CERT1: variants seen among roughly 807,000 people sequenced by gnomAD.
CERT1 encodes the protein ceramide transfer protein.
CERT1 carries 31 observed loss-of-function variants against 87.9 expected under a neutral mutation model. That is an observed-to-expected ratio of 0.35 (90% CI 0.27 to 0.48). The LOEUF (loss-of-function observed/expected upper bound fraction) is 0.48. Among genes scored for constraint, CERT1 ranks in the 20% least tolerant of loss-of-function variants. The pLI is 0.99. For missense variants in CERT1, 487 were observed against 758.0 expected (o/e 0.64, Z 4.20); for synonymous variants, 289 against 250.9 (o/e 1.15, Z -1.44).
At chr5:75,453,154 C>T (rs933474948) in intron 3 of CERT1, among the ~76,000 whole-genome samples, 12 of 151,984 alleles carry the variant, frequency 7.9e-5, no homozygotes, top group South Asian at 2.1e-4. Context: ...AGAATGGATG[C>T]CAAGGAGGGC....
intron 11 of CERT1, among the ~76,000 whole-genome samples, chr5:75,398,964 T>C (rs1453182323): frequency 6.6e-6 from 1 of 152,244 alleles, no homozygotes; most frequent in African/African-American, 2.4e-5. Context: ...TGCTATAACA[T>C]ATCATATAGA....
chr5:75,410,609 C>CAAAAAAAAAAAAA (rs34428665), intron 8 of CERT1: 1 of 135,290 alleles, frequency 7.4e-6, no homozygotes, highest in African/African-American at 2.8e-5. Flanking sequence ...GACTCGGTCT[C>CAAAAAAAAAAAAA]AAAAAAAAAA....
intron 11 of CERT1, among the ~76,000 whole-genome samples, chr5:75,396,132 C>A (rs189352415): frequency 3.9e-5 from 6 of 152,226 alleles, no homozygotes; most frequent in Non-Finnish European, 1.5e-5. Flanking sequence ...ACAAGGTAGT[C>A]ATGAGCCAAC....
intron 16 of CERT1, among the ~76,000 whole-genome samples, chr5:75,380,649 G>A (rs186025126): frequency 3.0e-4 from 46 of 151,880 alleles, no homozygotes; most frequent in Admixed American, 2.6e-4. Context: ...CTAGCCAGGC[G>A]TGGTTGTGGG....
At chr5:75,461,928 A>C (rs999512515) in intron 2 of CERT1, among the ~76,000 whole-genome samples, 1 of 152,174 alleles carries the variant, frequency 6.6e-6, no homozygotes, top group Non-Finnish European at 1.5e-5. Flanking sequence ...TATATTACAC[A>C]CACATATGTG....
chr5:75,377,438 G>A (rs1761366528), downstream of CERT1: 1 of 152,216 alleles, frequency 6.6e-6, no homozygotes, highest in Non-Finnish European at 1.5e-5. Context: ...ATACAATTAT[G>A]ACACTGCTCT....
At chr5:75,398,239 C>T in intron 11 of CERT1, among the ~76,000 whole-genome samples, 1 of 152,142 alleles carries the variant, frequency 6.6e-6, no homozygotes. Context: ...TATTTATAAA[C>T]ATAAAAATAA....
intron 3 of CERT1, among the ~76,000 whole-genome samples, chr5:75,448,874 AT>A (rs1174119640): frequency 9.2e-5 from 14 of 152,264 alleles, no homozygotes; most frequent in African/African-American, 3.4e-4. Context: ...ACCTTTTTTT[AT>A]AACTTGTTAT....
intron 2 of CERT1, among the ~76,000 whole-genome samples, chr5:75,502,651 G>A (rs1767430728): frequency 6.6e-6 from 1 of 152,066 alleles, no homozygotes; most frequent in Admixed American, 6.6e-5. Context: ...CTGAAAGGAT[G>A]ACCAGAAATT....
At chr5:75,507,698 A>G (rs1166085416) in intron 1 of CERT1, among the ~76,000 whole-genome samples, 1 of 152,248 alleles carries the variant, frequency 6.6e-6, no homozygotes, top group South Asian at 2.1e-4. Context: ...GATATAGGAT[A>G]AAATAGGCTC....
At chr5:75,444,548 C>CTTTT (rs952234196) in intron 3 of CERT1, among the ~76,000 whole-genome samples, 13 of 128,784 alleles carry the variant, frequency 1.0e-4, no homozygotes, top group Non-Finnish European at 1.3e-4. Context: ...CTTTTCTTTT[C>CTTTT]TTTTTTTTTT....
At chr5:75,399,576 GT>G (rs2112079171) in intron 10 of CERT1, among the ~76,000 whole-genome samples, 189 bp from the exon 11 acceptor site, 1 of 152,304 alleles carries the variant, frequency 6.6e-6, no homozygotes, top group Admixed American at 6.5e-5. Flanking sequence ...AAAAAAGAAT[GT>G]AGTGCTTCCA....
At chr5:75,511,915 G>A, upstream of CERT1, 3 of 1,240,380 alleles carry the variant, frequency 2.4e-6, no homozygotes, top group Non-Finnish European at 3.4e-6. Flanking sequence ...GAGGTAACGG[G>A]TGAGTATCCC....
chr5:75,414,573 T>G (rs1763065069), intron 7 of CERT1, among the ~76,000 whole-genome samples: 1 of 152,170 alleles, frequency 6.6e-6, no homozygotes, highest in Non-Finnish European at 1.5e-5. Context: ...CATAATTGCC[T>G]AATTTTAGAA....
At chr5:75,373,677 C>T (rs1761164823), downstream of CERT1, 1 of 157,762 alleles carries the variant, frequency 6.3e-6, no homozygotes, top group Non-Finnish European at 1.4e-5. Context: ...TTATACAAAG[C>T]AAAAAAGTCA....
intron 2 of CERT1, among the ~76,000 whole-genome samples, chr5:75,485,421 A>T (rs1766477867): frequency 6.6e-6 from 1 of 151,756 alleles, no homozygotes; most frequent in Non-Finnish European, 1.5e-5. Context: ...GCACTTAGAT[A>T]AAAAATGTAG....
intron 2 of CERT1, among the ~76,000 whole-genome samples, chr5:75,504,612 A>G (rs1038196531): frequency 2.6e-5 from 4 of 152,210 alleles, no homozygotes; most frequent in African/African-American, 9.7e-5. Context: ...TAAGCCAAAT[A>G]AATTCTATCA....
chr5:75,392,833 G>A (rs1412205523), intron 11 of CERT1, among the ~76,000 whole-genome samples: 1 of 151,468 alleles, frequency 6.6e-6, no homozygotes, highest in African/African-American at 2.4e-5. Flanking sequence ...GGCCGGGCGT[G>A]GTGGTGGGTG....
At chr5:75,450,039 T>C (rs1040477647) in intron 3 of CERT1, among the ~76,000 whole-genome samples, 10 of 152,164 alleles carry the variant, frequency 6.6e-5, no homozygotes, top group African/African-American at 2.4e-4. Flanking sequence ...TCCCAATCCT[T>C]TTACTATCTT....
Sources: gnomAD v4.1 joint callset for allele counts (sites outside exome capture counted in the v4.1 genomes callset) on GRCh38, gnomAD v4.1.1 for gene constraint, MANE v1.5 for transcripts, NCBI Gene and HGNC (gene_info 2026-07-23, HGNC 2026-07-21) for gene names.